Variants in DOCK3 observed in about 807,000 individuals in gnomAD.
The protein encoded by DOCK3 is dedicator of cytokinesis protein 3.
DOCK3 carries 60 observed loss-of-function variants against 265.6 expected under a neutral mutation model. That is an observed-to-expected ratio of 0.23 (90% CI 0.18 to 0.28). The LOEUF is 0.28. Among genes scored for constraint, DOCK3 ranks in the 10% least tolerant of loss-of-function variants. The probability of loss-of-function intolerance (pLI) is 1.00; values close to 1 mark genes in which losing one functional copy is unlikely to be tolerated. For missense variants in DOCK3, 1,981 were observed against 2,594.3 expected (o/e 0.76, Z 5.14); for synonymous variants, 881 against 938.0 (o/e 0.94, Z 1.11).
At chr3:51,187,203 G>C (rs1328165597) in intron 12 of DOCK3, among the ~76,000 whole-genome samples, 1 of 152,236 alleles carries the variant, frequency 6.6e-6, no homozygotes, top group African/African-American at 2.4e-5. Flanking sequence ...TCTTGCATCA[G>C]CGTGACCTGG....
intron 35 of DOCK3, among the ~76,000 whole-genome samples, chr3:51,334,546 C>T (rs1275820680): frequency 6.6e-6 from 1 of 152,128 alleles, no homozygotes; most frequent in Non-Finnish European, 1.5e-5. Flanking sequence ...TCTTAAGCAT[C>T]CCCCCATTCT....
At chr3:51,042,111 C>T (rs2080557763) in intron 5 of DOCK3, among the ~76,000 whole-genome samples, 1 of 152,192 alleles carries the variant, frequency 6.6e-6, no homozygotes, top group African/African-American at 2.4e-5. Flanking sequence ...ATACGAAAAC[C>T]TGGCAGAGAC....
intron 5 of DOCK3, among the ~76,000 whole-genome samples, chr3:50,966,547 G>A (rs1466326128): frequency 4.5e-5 from 6 of 133,720 alleles, no homozygotes; most frequent in Non-Finnish European, 7.8e-5. Context: ...CTTGTGAGGT[G>A]ATATCTCATT....
intron 1 of DOCK3, among the ~76,000 whole-genome samples, chr3:50,762,969 A>T (rs2040624494): frequency 6.6e-6 from 1 of 152,002 alleles, no homozygotes; most frequent in African/African-American, 2.4e-5. Context: ...GTTCACCAGG[A>T]CAGATGCCCT....
At position 51,237,485 on chromosome 3, in the gene DOCK3, C is replaced by T. The variant is rs765184782; in HGVS notation, c.2002-5C>T. The stretch of plus-strand genomic sequence containing the variant: ...CCCTGATGGCTTACTCTCCATATCT[C>T]CCAGGTGTTCATCATCAACCTGCTC... On this transcript the variant is annotated splice_region_variant and splice_polypyrimidine_tract_variant and intron_variant, in intron 20 of 52. Transcript: ENST00000266037. The T allele has an allele frequency of 1.9e-6, 3 of 1,612,676 alleles. No homozygotes were observed. The highest frequency in any genetic ancestry group is 2.5e-6 in the Non-Finnish European group (3 of 1,179,310).
At chr3:50,917,760 T>C (rs1011187689) in intron 4 of DOCK3, among the ~76,000 whole-genome samples, 1 of 152,106 alleles carries the variant, frequency 6.6e-6, no homozygotes, top group African/African-American at 2.4e-5. Context: ...TCTGAAGTTT[T>C]GTTTTTATTT....
intron 4 of DOCK3, among the ~76,000 whole-genome samples, chr3:50,932,291 C>A (rs544322361): frequency 6.6e-6 from 1 of 152,290 alleles, no homozygotes; most frequent in East Asian, 1.9e-4. Flanking sequence ...AATTTTACTG[C>A]ACTGAGTCAT....
chr3:50,771,625 G>A (rs566073416), intron 1 of DOCK3, among the ~76,000 whole-genome samples: 1 of 152,294 alleles, frequency 6.6e-6, no homozygotes, highest in African/African-American at 2.4e-5. Context: ...GCCCAGGTGG[G>A]TGGATCACGA....
At chr3:51,364,410 T>A (rs2086976783) in intron 49 of DOCK3, among the ~76,000 whole-genome samples, 1 of 152,240 alleles carries the variant, frequency 6.6e-6, no homozygotes, top group South Asian at 2.1e-4. Flanking sequence ...ATGGGTAGAT[T>A]GTAAAAATAT....
At chr3:51,059,188 T>C (rs1434443405) in intron 5 of DOCK3, among the ~76,000 whole-genome samples, 1 of 152,182 alleles carries the variant, frequency 6.6e-6, no homozygotes, top group Non-Finnish European at 1.5e-5. Flanking sequence ...GTGTTTGTTT[T>C]TCTGTTTCTG....
intron 23 of DOCK3, among the ~76,000 whole-genome samples, chr3:51,270,562 A>T (rs2080441095): frequency 6.6e-6 from 1 of 152,260 alleles, no homozygotes; most frequent in South Asian, 2.1e-4. Context: ...TTCTCTTGCC[A>T]GCAAATGCTA....
chr3:51,221,957 A>G (rs769859022), intron 14 of DOCK3, among the ~76,000 whole-genome samples: 11 of 152,220 alleles, frequency 7.2e-5, no homozygotes, highest in Non-Finnish European at 1.5e-4. Flanking sequence ...TCCTCCCAGC[A>G]GACCTCCATA....
At chr3:50,677,765 C>T (rs572306317) in intron 1 of DOCK3, among the ~76,000 whole-genome samples, 1 of 152,292 alleles carries the variant, frequency 6.6e-6, no homozygotes, top group East Asian at 1.9e-4. Flanking sequence ...ATTGATAAGG[C>T]TTTGAGATCC....
chr3:51,047,432 T>G (rs1321557869), intron 5 of DOCK3, among the ~76,000 whole-genome samples: 3 of 148,824 alleles, frequency 2.0e-5, no homozygotes, highest in Non-Finnish European at 4.4e-5. Flanking sequence ...AAAATAAAAA[T>G]TAGAGCAGAG....
intron 3 of DOCK3, among the ~76,000 whole-genome samples, chr3:50,878,176 C>A (rs2047812856): frequency 6.6e-6 from 1 of 152,070 alleles, no homozygotes; most frequent in South Asian, 2.1e-4. Context: ...GGGGAGAAAC[C>A]AGAGCAGAAA....
At chr3:51,291,208 A>T (rs2081749591) in intron 27 of DOCK3, among the ~76,000 whole-genome samples, 1 of 152,212 alleles carries the variant, frequency 6.6e-6, no homozygotes, top group Non-Finnish European at 1.5e-5. Flanking sequence ...AAGAAGCAAG[A>T]TCTCAAACAA....
intron 4 of DOCK3, among the ~76,000 whole-genome samples, chr3:50,917,238 T>G (rs529650448): frequency 6.6e-6 from 1 of 152,224 alleles, no homozygotes; most frequent in East Asian, 1.9e-4. Flanking sequence ...CTGAGAAAGT[T>G]AATGTAGAGA....
chr3:50,863,487 C>T, intron 3 of DOCK3: 1 of 516,430 alleles, frequency 1.9e-6, no homozygotes, highest in Non-Finnish European at 3.9e-6. Context: ...CAGAGAAGTA[C>T]TCCCACCTAC....
intron 3 of DOCK3, among the ~76,000 whole-genome samples, chr3:50,881,970 C>A (rs1022832688): frequency 6.6e-6 from 1 of 152,178 alleles, no homozygotes; most frequent in African/African-American, 2.4e-5. Flanking sequence ...CACACGTCTA[C>A]AACCATCTGC....
Sources: gnomAD v4.1 joint callset for allele counts (sites outside exome capture counted in the v4.1 genomes callset) on GRCh38, gnomAD v4.1.1 for gene constraint, MANE v1.5 for transcripts, NCBI Gene and HGNC (gene_info 2026-07-23, HGNC 2026-07-21) for gene names.